The following CYYR1 variants were observed in gnomAD, a reference collection of about 807,000 sequenced individuals.
CYYR1 encodes cysteine and tyrosine-rich protein 1.
In CYYR1, 14 loss-of-function variants were observed where a neutral mutation model predicts 15.2. The observed-to-expected ratio is 0.92, with a 90% CI of 0.61 to 1.44. The LOEUF (loss-of-function observed/expected upper bound fraction) is 1.44, where lower values mean the gene tolerates loss of function less well. Among genes scored for constraint, CYYR1 ranks in the 40% most tolerant of loss-of-function variants. The pLI, the probability that CYYR1 is intolerant of heterozygous loss-of-function variation, is 0.00. For synonymous variants in CYYR1, 80 were observed against 77.4 expected (o/e 1.03, Z -0.18); for missense variants, 228 against 209.5 (o/e 1.09, Z -0.54).
At chr21:26,529,367 G>A (rs1388488596) in intron 2 of CYYR1, among the ~76,000 whole-genome samples, 1 of 130,384 alleles carries the variant, frequency 7.7e-6, no homozygotes, top group Non-Finnish European at 1.7e-5. Flanking sequence ...TTTATAAACA[G>A]AGTCACATAT....
At chr21:26,563,476 G>A (rs1370230217) in intron 2 of CYYR1, among the ~76,000 whole-genome samples, 1 of 152,134 alleles carries the variant, frequency 6.6e-6, no homozygotes. Context: ...GGAGGTTGAG[G>A]CATGAGAATT....
At chr21:26,536,935 C>G (rs978140305) in intron 2 of CYYR1, among the ~76,000 whole-genome samples, 4 of 152,162 alleles carry the variant, frequency 2.6e-5, no homozygotes, top group Admixed American at 2.6e-4. Context: ...AGATAGAGAT[C>G]CTGCACTCAT....
intron 1 of CYYR1, among the ~76,000 whole-genome samples, chr21:26,571,396 G>C (rs1980999276): frequency 6.6e-6 from 1 of 152,234 alleles, no homozygotes; most frequent in African/African-American, 2.4e-5. Flanking sequence ...AACCACCCTT[G>C]TTGCTGGCCA....
intron 2 of CYYR1, among the ~76,000 whole-genome samples, chr21:26,514,078 C>A (rs956457042): frequency 6.6e-6 from 1 of 151,330 alleles, no homozygotes; most frequent in Admixed American, 6.6e-5. Context: ...AAAAAAAAAA[C>A]CATGCCCAAG....
At chr21:26,519,245 T>A (rs2065772336) in intron 2 of CYYR1, among the ~76,000 whole-genome samples, 1 of 152,084 alleles carries the variant, frequency 6.6e-6, no homozygotes, top group African/African-American at 2.4e-5. Flanking sequence ...GAACAGGCAA[T>A]GCACATAATA....
intron 2 of CYYR1, among the ~76,000 whole-genome samples, chr21:26,535,124 A>C (rs771342458): frequency 2.6e-5 from 4 of 152,180 alleles, no homozygotes; most frequent in Admixed American, 6.6e-5. Flanking sequence ...GGAAGGGAGC[A>C]AATGTTGAAA....
intron 2 of CYYR1, among the ~76,000 whole-genome samples, chr21:26,565,674 T>G (rs1882977806): frequency 6.6e-6 from 1 of 152,236 alleles, no homozygotes; most frequent in African/African-American, 2.4e-5. Flanking sequence ...AGAGTCTACA[T>G]GTACATATTT....
chr21:26,486,522 T>C (rs1461666731), intron 2 of CYYR1, among the ~76,000 whole-genome samples: 1 of 152,112 alleles, frequency 6.6e-6, no homozygotes, highest in African/African-American at 2.4e-5. Context: ...GTACCATTTA[T>C]TAAAAGCATT....
chr21:26,544,021 T>C (rs1978772391), intron 2 of CYYR1, among the ~76,000 whole-genome samples: 1 of 152,222 alleles, frequency 6.6e-6, no homozygotes, highest in Non-Finnish European at 1.5e-5. Flanking sequence ...ATTAAATTTA[T>C]ATCAATATTA....
intron 2 of CYYR1, among the ~76,000 whole-genome samples, chr21:26,512,235 G>A (rs1200192546): frequency 6.6e-6 from 1 of 151,768 alleles, no homozygotes; most frequent in African/African-American, 2.4e-5. Context: ...GTCTCACTCT[G>A]TCACTCAGGC....
At chr21:26,505,804 TAA>T (rs35544892) in intron 2 of CYYR1, among the ~76,000 whole-genome samples, 1 of 151,570 alleles carries the variant, frequency 6.6e-6, no homozygotes, top group Non-Finnish European at 1.5e-5. Context: ...ATACATATTT[TAA>T]AAAAAAAGGT....
intron 3 of CYYR1, among the ~76,000 whole-genome samples, chr21:26,475,389 G>A (rs1436184489): frequency 1.3e-5 from 2 of 152,064 alleles, no homozygotes; most frequent in East Asian, 1.9e-4. Context: ...TAAATAAATT[G>A]TCTCTGATCG....
rs1294155974 is a variant in CYYR1, at chr21:26,494,749, A to C, written c.177-14320T>G. Among the ~76,000 whole-genome samples the C allele has an allele frequency of 1.3e-5, 2 of 152,160 alleles. 1 individual carries two copies. Among genetic ancestry groups the C allele is most frequent in the Admixed American group, 1.3e-4 (2 of 15,262 alleles). ...TATGTAATTACTATTTGTCAATTTT[A>C]AAAGGAGAAGAAAAGATTTAAAAAT... On this transcript the variant is annotated intron_variant, in intron 2 of 3. Coordinates refer to ENST00000652641, the MANE Select transcript of CYYR1 (RefSeq NM_001320768.2).
At chr21:26,473,695 C>A (rs751221495) in intron 3 of CYYR1, among the ~76,000 whole-genome samples, 2 of 152,132 alleles carry the variant, frequency 1.3e-5, no homozygotes, top group Non-Finnish European at 2.9e-5. Context: ...GAAATGAGAT[C>A]TGTTGAGAAA....
At chr21:26,516,119 A>C (rs952095245) in intron 2 of CYYR1, among the ~76,000 whole-genome samples, 5 of 152,192 alleles carry the variant, frequency 3.3e-5, no homozygotes, top group African/African-American at 1.2e-4. Context: ...AGACTAGGTT[A>C]TTTGGTGTAT....
chr21:26,561,255 C>T (rs1185407276), intron 2 of CYYR1, among the ~76,000 whole-genome samples: 1 of 151,616 alleles, frequency 6.6e-6, no homozygotes, highest in Non-Finnish European at 1.5e-5. Flanking sequence ...GTATGTACCT[C>T]CTAGAGGTCT....
Position 26,572,954 on chromosome 21 carries a change from C to T in CYYR1, c.-14G>A. Reference sequence around the variant, plus strand: ...CGGAGCGTCCATCCAAGCCGGTGGCCTGAGGCTTGGAGCGAAGGGAGAGCC... The same window carrying T: ...CGGAGCGTCCATCCAAGCCGGTGGCTTGAGGCTTGGAGCGAAGGGAGAGCC... On this transcript the variant is annotated 5_prime_UTR_variant, in exon 1 of 4. Transcript: ENST00000652641. 6.2e-7 allele frequency: 1 copy of T among 1,613,692 alleles called. No individual in the cohort carries two copies. Among genetic ancestry groups the T allele is most frequent in the Non-Finnish European group, 8.5e-7 (1 of 1,179,948 alleles).
intron 2 of CYYR1, among the ~76,000 whole-genome samples, chr21:26,555,644 C>T (rs1002064687): frequency 2.0e-5 from 3 of 152,064 alleles, no homozygotes; most frequent in African/African-American, 7.2e-5. Flanking sequence ...ACAGAGTTAC[C>T]ATCGGCTAAA....
intron 2 of CYYR1, among the ~76,000 whole-genome samples, chr21:26,545,975 C>G (rs1978948132): frequency 6.6e-6 from 1 of 152,122 alleles, no homozygotes; most frequent in Non-Finnish European, 1.5e-5. Context: ...ATGGACCTGG[C>G]TGTCCAGGTT....
Sources: allele counts gnomAD v4.1 joint callset (sites outside exome capture counted in the v4.1 genomes callset), GRCh38; gene constraint gnomAD v4.1.1; transcripts MANE v1.5; gene names NCBI Gene and HGNC (gene_info 2026-07-23, HGNC 2026-07-21).